CNTNAP2: variants seen among roughly 807,000 people sequenced by gnomAD.
The protein encoded by CNTNAP2 is contactin associated protein 2.
CNTNAP2 carries 98 observed loss-of-function variants against 155.2 expected under a neutral mutation model. The ratio of observed to expected loss-of-function variants is 0.63; its 90% CI spans 0.54 to 0.75. CNTNAP2 has a LOEUF of 0.75. Ranked by LOEUF, CNTNAP2 falls within the 30% of genes least tolerant of loss-of-function variation. CNTNAP2 has a pLI of 0.00. For synonymous variants in CNTNAP2, 651 were observed against 631.2 expected, an observed-to-expected ratio of 1.03 and a Z score of -0.47; for missense variants, 1,727 against 1,688.1, an observed-to-expected ratio of 1.02 and a Z score of -0.40.
intron 8 of CNTNAP2, among the ~76,000 whole-genome samples, chr7:147,136,328 C>CTTGTT (rs1267921213): frequency 2.0e-5 from 3 of 151,944 alleles, no homozygotes; most frequent in Admixed American, 1.3e-4. Flanking sequence ...TTGGAACATC[C>CTTGTT]TTGTTTTGTT....
chr7:147,391,450 G>C (rs188968184), intron 9 of CNTNAP2, among the ~76,000 whole-genome samples: 29 of 152,052 alleles, frequency 1.9e-4, no homozygotes, highest in Admixed American at 3.3e-4. Context: ...TTTCTATTTT[G>C]TCCCAACTCT....
At chr7:148,004,292 T>A (rs1801939815) in intron 15 of CNTNAP2, among the ~76,000 whole-genome samples, 1 of 152,188 alleles carries the variant, frequency 6.6e-6, no homozygotes, top group Non-Finnish European at 1.5e-5. Flanking sequence ...CTTCTATTTT[T>A]TAAAAAAGTA....
At chr7:146,707,159 CT>C (rs1172492471) in intron 1 of CNTNAP2, among the ~76,000 whole-genome samples, 1 of 152,106 alleles carries the variant, frequency 6.6e-6, no homozygotes, top group Non-Finnish European at 1.5e-5. Flanking sequence ...GCCATTGCTG[CT>C]TTTTCTATCA....
At chr7:146,417,471 T>G (rs980777953) in intron 1 of CNTNAP2, among the ~76,000 whole-genome samples, 4 of 152,158 alleles carry the variant, frequency 2.6e-5, no homozygotes, top group South Asian at 2.1e-4. Context: ...GTGATTAAAT[T>G]GGAATTCTAA....
chr7:148,365,813 T>C lies in CNTNAP2; in HGVS notation c.3476-17836T>C, dbSNP rs571667946. The stretch of plus-strand genomic sequence containing the variant: ...ATGTATACATGCATGTGTATGCATG[T>C]ATACATGCATGTGTATGCATGTATA... On this transcript the variant is annotated intron_variant, in intron 21 of 23. Coordinates refer to ENST00000361727, the MANE Select transcript of CNTNAP2 (RefSeq NM_014141.6). Among the ~76,000 whole-genome samples the C allele has an allele frequency of 2.9e-3, 319 of 111,104 alleles. 62 individuals are homozygous for C. The highest frequency in any genetic ancestry group is 3.9e-3 in the Non-Finnish European group (195 of 50,206). The allele number at this position is 111,104 out of a possible 152,430, so 72.9% of individuals were successfully genotyped here.
chr7:148,085,486 A>G (rs758192911), intron 15 of CNTNAP2, among the ~76,000 whole-genome samples: 2 of 152,140 alleles, frequency 1.3e-5, no homozygotes, highest in African/African-American at 2.4e-5. Context: ...ATATACACCA[A>G]TTGACTAACC....
chr7:146,753,517 A>C (rs1389978517), intron 1 of CNTNAP2, among the ~76,000 whole-genome samples: 5 of 152,224 alleles, frequency 3.3e-5, no homozygotes, highest in South Asian at 2.1e-4. Flanking sequence ...AAGAACTGTT[A>C]TACAGAAATA....
chr7:147,459,678 C>T (rs553757902), intron 10 of CNTNAP2, among the ~76,000 whole-genome samples: 3 of 152,048 alleles, frequency 2.0e-5, no homozygotes, highest in South Asian at 4.1e-4. Flanking sequence ...GACTGCCTTT[C>T]GAGGTTGGAA....
At chr7:148,319,451 G>T (rs1360993616) in intron 21 of CNTNAP2, among the ~76,000 whole-genome samples, 1 of 152,054 alleles carries the variant, frequency 6.6e-6, no homozygotes, top group African/African-American at 2.4e-5. Flanking sequence ...TAAAAACCTT[G>T]TGAATACAAT....
intron 10 of CNTNAP2, among the ~76,000 whole-genome samples, chr7:147,409,689 G>A (rs189842592): frequency 1.1e-4 from 17 of 151,606 alleles, no homozygotes; most frequent in Admixed American, 6.6e-4. Flanking sequence ...AATAGGAACT[G>A]AAACAAATTT....
At chr7:147,940,578 G>T (rs896717308) in intron 14 of CNTNAP2, among the ~76,000 whole-genome samples, 2 of 151,678 alleles carry the variant, frequency 1.3e-5, no homozygotes, top group African/African-American at 2.4e-5. Flanking sequence ...CTGATGCCCT[G>T]GCTTTGAGTG....
chr7:147,138,957 A>G (rs1043336614), intron 8 of CNTNAP2, among the ~76,000 whole-genome samples: 1 of 152,072 alleles, frequency 6.6e-6, no homozygotes, highest in Non-Finnish European at 1.5e-5. Flanking sequence ...AGTTTACTGT[A>G]CAAATAAATC....
intron 21 of CNTNAP2, among the ~76,000 whole-genome samples, chr7:148,375,774 C>CTCATAATATCACATTGCCCTCCCCAAAA (rs1585319970): frequency 1.3e-5 from 1 of 76,484 alleles, no homozygotes; most frequent in African/African-American, 3.5e-5. Context: ...GCAGGTGGAT[C>CTCATAATATCACATTGCCCTCCCCAAAA]ACGAGGTCAG....
chr7:147,562,211 T>G lies in CNTNAP2; in HGVS notation c.1851T>G (p.Asp617Glu). The change falls in exon 12 of 24, where the codon GAT becomes GAG. Residue 617 changes from aspartate to glutamate, a missense_variant. By Grantham distance (45) the Asp-to-Glu change is conservative. Coordinates refer to ENST00000361727, the MANE Select transcript of CNTNAP2 (RefSeq NM_014141.6). ...CAAATTATTACTGGATAGATCCTGA[T>G]GGCAGCGGACCTCTGGGGCCTCTGA... Reference protein sequence around the residue: ...QTSNYYWIDPDGSGPLGPLKV... With the variant: ...QTSNYYWIDPEGSGPLGPLKV... 6.2e-7 allele frequency: 1 copy of G among 1,614,066 alleles called. No homozygotes were observed. The highest frequency in any genetic ancestry group is 8.5e-7 in the Non-Finnish European group (1 of 1,179,944).
chr7:146,923,330 T>C (rs1360640507), intron 3 of CNTNAP2, among the ~76,000 whole-genome samples: 2 of 152,168 alleles, frequency 1.3e-5, no homozygotes, highest in Admixed American at 6.5e-5. Flanking sequence ...GTATGGGGCA[T>C]TGTGATGAAG....
intron 16 of CNTNAP2, among the ~76,000 whole-genome samples, chr7:148,145,250 C>T: frequency 6.6e-6 from 1 of 152,168 alleles, no homozygotes; most frequent in East Asian, 1.9e-4. Context: ...AGGCTCTGAG[C>T]TACGGCATCG....
intron 1 of CNTNAP2, among the ~76,000 whole-genome samples, chr7:146,273,151 C>T (rs1800110591): frequency 1.3e-5 from 2 of 148,620 alleles, no homozygotes; most frequent in African/African-American, 5.0e-5. Flanking sequence ...AAAATTTAAC[C>T]AGAGGCAAAG....
intron 13 of CNTNAP2, among the ~76,000 whole-genome samples, chr7:147,679,230 T>A (rs1053154495): frequency 2.6e-5 from 4 of 151,864 alleles, no homozygotes; most frequent in Non-Finnish European, 5.9e-5. Flanking sequence ...TGAAAAAACA[T>A]AATTAAGAAA....
chr7:147,381,960 T>C (rs1584913973), intron 9 of CNTNAP2, among the ~76,000 whole-genome samples: 2 of 152,060 alleles, frequency 1.3e-5, no homozygotes, highest in African/African-American at 4.8e-5. Context: ...TTAAATATTA[T>C]GAAATATTCT....
Sources: allele counts gnomAD v4.1 joint callset (sites outside exome capture counted in the v4.1 genomes callset), GRCh38; gene constraint gnomAD v4.1.1; transcripts MANE v1.5; gene names NCBI Gene and HGNC (gene_info 2026-07-23, HGNC 2026-07-21).